The following TJP2 variants were observed in gnomAD, a reference collection of about 807,000 sequenced individuals.
TJP2 encodes the protein Friedreich ataxia region gene X104 (tight junction protein ZO-2).
Under a neutral mutation model 133.1 loss-of-function variants are expected in TJP2, and 91 were observed. The observed-to-expected ratio is 0.68, with a 90% CI of 0.58 to 0.81. TJP2 has a LOEUF of 0.81. Ranked by LOEUF, TJP2 falls within the 40% of genes least tolerant of loss-of-function variation. The pLI, the probability that TJP2 is intolerant of heterozygous loss-of-function variation, is 0.00. For synonymous variants in TJP2, 592 were observed against 583.4 expected, an observed-to-expected ratio of 1.01 and a Z score of -0.21; for missense variants, 1,541 against 1,565.6, an observed-to-expected ratio of 0.98 and a Z score of 0.26.
At chr9:69,160,129 A>G (rs1422272377) in intron 2 of TJP2, among the ~76,000 whole-genome samples, 2 of 152,078 alleles carry the variant, frequency 1.3e-5, no homozygotes, top group Non-Finnish European at 2.9e-5. Flanking sequence ...AATAATAGAA[A>G]AACACTCTGC....
chr9:69,163,406 C>T (rs1824190348), intron 2 of TJP2, among the ~76,000 whole-genome samples: 1 of 152,084 alleles, frequency 6.6e-6, no homozygotes, highest in Non-Finnish European at 1.5e-5. Context: ...GAGGCCAAGG[C>T]AGGTGGATTG....
chr9:69,229,048 C>T (rs1829563941), intron 9 of TJP2, 136 bp from the exon 10 acceptor site: 1 of 822,414 alleles, frequency 1.2e-6, no homozygotes, highest in Admixed American at 1.8e-5. Flanking sequence ...TTAAACGGCA[C>T]TTTAGAGACT....
intron 16 of TJP2, among the ~76,000 whole-genome samples, chr9:69,239,683 G>A (rs770405309): frequency 3.3e-5 from 5 of 151,718 alleles, no homozygotes. Flanking sequence ...TGGTGGTGGC[G>A]GGCACCTGTA....
chr9:69,221,391 C>T lies in TJP2; in HGVS notation c.847C>T (p.Arg283Ter), dbSNP rs867319310. The T allele has an allele frequency of 1.3e-6, 2 of 1,580,944 alleles. No individual in the cohort carries two copies. The highest frequency in any genetic ancestry group is 1.3e-5 in the African/African-American group (1 of 74,304). Residue 283 changes from arginine to a stop codon, truncating the protein, a stop_gained, in exon 5 of 23, where the codon CGA (arginine) becomes TGA (stop). Coordinates refer to ENST00000377245, the MANE Select transcript of TJP2 (RefSeq NM_004817.4). LOFTEE classifies it high-confidence loss of function. Reference sequence around the variant, plus strand: ...CCACGATGCCCGCTCTCGGGGACCCCGAAGCCGCAGCCGCGAGCACCCGCA... The same window carrying T: ...CCACGATGCCCGCTCTCGGGGACCCTGAAGCCGCAGCCGCGAGCACCCGCA... ...ARHDARSRGP[R>*]SRSREHPHSR...
rs200224814 is a variant in TJP2, at chr9:69,151,512, T to TG, written c.-130-138dup. The TG allele has an allele frequency of 2.5e-3, 2,066 of 835,118 alleles. 44 individuals are homozygous for TG. In the African/African-American group the frequency reaches 0.032, roughly 13 times the overall value. The allele number at this position is 835,118 out of a possible 1,614,324, so 51.7% of individuals were successfully genotyped here. A position where few individuals can be genotyped will look rare whatever the true frequency, so the allele number is the denominator to read the frequency against. On this transcript the variant is annotated intron_variant, in intron 1 of 5. Transcript: ENST00000423935. ...AAAAAAAAAGGATTGTGGTGACAGT[T>TG]GCATAACTCTGTGAAGGTACTAAAA...
chr9:69,254,182 A>G (rs1831539659), intron 22 of TJP2, 27 bp from the exon 23 acceptor site: 1 of 1,614,032 alleles, frequency 6.2e-7, no homozygotes. Context: ...GTGCTCTGGA[A>G]TGTCTTTAAC....
At chr9:69,139,742 G>A (rs1366752123) in intron 1 of TJP2, among the ~76,000 whole-genome samples, 1 of 152,204 alleles carries the variant, frequency 6.6e-6, no homozygotes, top group Non-Finnish European at 1.5e-5. Flanking sequence ...TCCCATTGAT[G>A]AGCAGTGAGA....
chr9:69,186,867 C>T (rs1480139589), intron 1 of TJP2, among the ~76,000 whole-genome samples: 1 of 152,130 alleles, frequency 6.6e-6, no homozygotes, highest in Admixed American at 6.6e-5. Flanking sequence ...AGAGAGGCAG[C>T]TGAAATTCCA....
chr9:69,152,817 C>CTTTTTTT (rs10543289), intron 2 of TJP2, among the ~76,000 whole-genome samples: 553 of 48,028 alleles, frequency 0.012, 101 homozygotes, highest in Non-Finnish European at 0.015. Context: ...CTCTGGAGCT[C>CTTTTTTT]TTTTTTTTTT....
chr9:69,214,597 A>G (rs1043074518), intron 2 of TJP2, among the ~76,000 whole-genome samples: 2 of 152,168 alleles, frequency 1.3e-5, no homozygotes, highest in South Asian at 2.1e-4. Flanking sequence ...GGCCGGGCGC[A>G]GTAGCTCACG....
chr9:69,199,290 C>T (rs1468396388), intron 1 of TJP2, among the ~76,000 whole-genome samples: 7 of 152,138 alleles, frequency 4.6e-5, no homozygotes, highest in African/African-American at 7.2e-5. Flanking sequence ...AATCCCAGCA[C>T]TTTGGGAAGC....
Position 69,254,220 on chromosome 9 carries a change from C to G in TJP2, c.3419C>G (p.Pro1140Arg). The change falls in exon 23 of 23, where the codon CCT becomes CGT. Residue 1140 changes from proline to arginine, a missense_variant. Coordinates refer to ENST00000377245, the MANE Select transcript of TJP2 (RefSeq NM_004817.4). ...CCTTTTTTTGTTAGTTCCAGACCCC[C>G]TGAGCCACAGAAAGCTCCTTCCAGA... ...GTPQHTSSRPPEPQKAPSRPY... is the reference protein window; with the variant it reads ...GTPQHTSSRPREPQKAPSRPY... 2 of 1,614,252 alleles carry G rather than the reference C, an allele frequency of 1.2e-6. No homozygotes were observed. The highest frequency in any genetic ancestry group is 8.5e-7 in the Non-Finnish European group (1 of 1,180,042).
At chr9:69,249,073 G>T in intron 19 of TJP2, 1 of 1,112,474 alleles carries the variant, frequency 9.0e-7, no homozygotes. Context: ...AACTTGTAAA[G>T]AATAAATTAA....
intron 1 of TJP2, among the ~76,000 whole-genome samples, chr9:69,176,282 CAG>C (rs934635386): frequency 5.9e-5 from 9 of 152,116 alleles, no homozygotes; most frequent in Non-Finnish European, 8.8e-5. Context: ...AATGAAATGA[CAG>C]AGAGTACAAG....
chr9:69,134,014 A>G (rs1040769489), intron 1 of TJP2, among the ~76,000 whole-genome samples: 8 of 151,160 alleles, frequency 5.3e-5, no homozygotes, highest in Admixed American at 1.3e-4. Flanking sequence ...AGGATTGCTC[A>G]TGCTCTCCTA....
chr9:69,149,845 C>A (rs1320750943), intron 1 of TJP2, among the ~76,000 whole-genome samples: 1 of 152,078 alleles, frequency 6.6e-6, no homozygotes, highest in Non-Finnish European at 1.5e-5. Flanking sequence ...GGTGAGCAAC[C>A]CATAAATATA....
intron 11 of TJP2, among the ~76,000 whole-genome samples, chr9:69,230,902 C>T (rs1829724015): frequency 1.3e-5 from 2 of 151,990 alleles, no homozygotes; most frequent in Non-Finnish European, 2.9e-5. Flanking sequence ...TAAAATTGTC[C>T]AAGAAAGGGA....
At chr9:69,212,426 C>T in intron 1 of TJP2, 122 bp from the exon 2 acceptor site, 1 of 751,604 alleles carries the variant, frequency 1.3e-6, no homozygotes. Flanking sequence ...CAGATATTAA[C>T]TCTTTTTTGG....
At chr9:69,158,519 C>T (rs1438116844) in intron 2 of TJP2, among the ~76,000 whole-genome samples, 1 of 152,030 alleles carries the variant, frequency 6.6e-6, no homozygotes, top group Non-Finnish European at 1.5e-5. Flanking sequence ...GTCCTATGGG[C>T]TGCGCACAGC....
Sources: allele counts gnomAD v4.1 joint callset (sites outside exome capture counted in the v4.1 genomes callset), GRCh38; gene constraint gnomAD v4.1.1; transcripts MANE v1.5; gene names NCBI Gene and HGNC (gene_info 2026-07-23, HGNC 2026-07-21).